Variants in FSTL1 observed in about 807,000 individuals in gnomAD.
The protein encoded by FSTL1 is follistatin like 1.
FSTL1 carries 24 observed loss-of-function variants against 45.9 expected under a neutral mutation model. The observed-to-expected ratio is 0.52, with a 90% CI of 0.38 to 0.74. The LOEUF is 0.74. Among genes scored for constraint, FSTL1 ranks in the 30% least tolerant of loss-of-function variants. The pLI, the probability that FSTL1 is intolerant of heterozygous loss-of-function variation, is 0.00. For missense variants in FSTL1, 340 were observed against 381.8 expected (o/e 0.89, Z 0.91); for synonymous variants, 120 against 137.6 (o/e 0.87, Z 0.89).
At position 120,396,386 on chromosome 3, in the gene FSTL1, G is replaced by A. The variant is rs1936700139; in HGVS notation, c.*566C>T. On this transcript the variant is annotated 3_prime_UTR_variant, in exon 11 of 11. Coordinates refer to ENST00000295633, the MANE Select transcript of FSTL1 (RefSeq NM_007085.5). ...ATACAAGTATCTGCATCATTTGGGT[G>A]TACCCTCCCAGAAACTCCATCCAAG... The A allele has an allele frequency of 6.5e-6, 1 of 153,352 alleles. No individual in the cohort carries two copies. Among genetic ancestry groups the A allele is most frequent in the South Asian group, 2.1e-4 (1 of 4,856 alleles). 9.5% of individuals were successfully genotyped at this position (153,352 alleles called of 1,614,324 possible).
At chr3:120,416,080 GAATGA>G in intron 2 of FSTL1, 53 bp from the exon 3 acceptor site, 1 of 1,228,318 alleles carries the variant, frequency 8.1e-7, no homozygotes, top group Non-Finnish European at 1.2e-6. Flanking sequence ...ACCCATTATG[GAATGA>G]GCCCATAATG....
chr3:120,429,616 A>C (rs1937443069), intron 2 of FSTL1, among the ~76,000 whole-genome samples: 1 of 152,174 alleles, frequency 6.6e-6, no homozygotes. Flanking sequence ...TGAATTTTTC[A>C]ATACTCAAAA....
At chr3:120,405,055 G>C in intron 6 of FSTL1, 84 bp from the exon 7 acceptor site, 1 of 778,236 alleles carries the variant, frequency 1.3e-6, no homozygotes, top group Non-Finnish European at 2.3e-6. Flanking sequence ...ACCTGCCTCT[G>C]ATTCATCTTG....
At chr3:120,432,098 T>C (rs1442165524) in intron 2 of FSTL1, among the ~76,000 whole-genome samples, 4 of 152,202 alleles carry the variant, frequency 2.6e-5, no homozygotes, top group East Asian at 1.9e-4. Flanking sequence ...TAGCTAAATA[T>C]GCTTTTTTGG....
At chr3:120,397,115 T>C in intron 10 of FSTL1, 119 bp from the exon 11 acceptor site, 2 of 842,896 alleles carry the variant, frequency 2.4e-6, no homozygotes, top group South Asian at 2.8e-5. Flanking sequence ...TTTAGTTGTT[T>C]ACTTGTCGGG....
chr3:120,426,105 T>C (rs1054213933), intron 2 of FSTL1, among the ~76,000 whole-genome samples: 1 of 152,122 alleles, frequency 6.6e-6, no homozygotes, highest in Middle Eastern at 3.2e-3. Flanking sequence ...TACTCAGCAT[T>C]CATGCTCTAA....
intron 4 of FSTL1, 30 bp from the exon 5 acceptor site, chr3:120,411,014 G>A (rs1559736357): frequency 6.4e-7 from 1 of 1,572,876 alleles, no homozygotes; most frequent in Non-Finnish European, 8.6e-7. Flanking sequence ...AACGTGTAAT[G>A]CGAAGTGAAG....
At chr3:120,397,128 C>T in intron 10 of FSTL1, 132 bp from the exon 11 acceptor site, 1 of 760,782 alleles carries the variant, frequency 1.3e-6, no homozygotes, top group Admixed American at 1.9e-5. Context: ...TTGTCGGGCT[C>T]CTCCACGGAC....
At chr3:120,426,285 CA>C (rs1477747960) in intron 2 of FSTL1, among the ~76,000 whole-genome samples, 1 of 152,174 alleles carries the variant, frequency 6.6e-6, no homozygotes, top group Non-Finnish European at 1.5e-5. Context: ...CAGTGCCTGC[CA>C]CATCTGGGCC....
intron 2 of FSTL1, among the ~76,000 whole-genome samples, chr3:120,417,540 G>C (rs1042549046): frequency 6.6e-6 from 1 of 152,196 alleles, no homozygotes; most frequent in African/African-American, 2.4e-5. Context: ...TAGCAGGCGG[G>C]GAAGAAAGAG....
intron 2 of FSTL1, chr3:120,423,478 G>A (rs1214811358): frequency 6.6e-6 from 1 of 152,184 alleles, no homozygotes; most frequent in South Asian, 2.1e-4. Context: ...ATATAGGGCT[G>A]AAAATCATCT....
At chr3:120,409,045 C>T (rs1460154763) in intron 6 of FSTL1, among the ~76,000 whole-genome samples, 1 of 152,206 alleles carries the variant, frequency 6.6e-6, no homozygotes, top group Non-Finnish European at 1.5e-5. Context: ...AGTTCAGGAA[C>T]AATCTCTGGA....
chr3:120,405,062 C>T, intron 6 of FSTL1, 91 bp from the exon 7 acceptor site: 2 of 765,090 alleles, frequency 2.6e-6, no homozygotes, highest in South Asian at 2.9e-5. Context: ...TCTGATTCAT[C>T]TTGTTCTTGA....
intron 9 of FSTL1, among the ~76,000 whole-genome samples, chr3:120,402,095 C>T (rs1251709371): frequency 1.3e-5 from 2 of 152,180 alleles, no homozygotes; most frequent in African/African-American, 4.8e-5. Context: ...TTCCAACATA[C>T]CCTGTAGCCT....
intron 2 of FSTL1, chr3:120,438,411 A>G (rs901061325): frequency 2.6e-5 from 4 of 152,218 alleles, no homozygotes; most frequent in Admixed American, 1.3e-4. Context: ...ATTCCTGGGC[A>G]TGAAGACTGT....
intron 2 of FSTL1, among the ~76,000 whole-genome samples, chr3:120,436,305 T>C (rs1049568168): frequency 2.0e-5 from 3 of 152,210 alleles, no homozygotes; most frequent in Non-Finnish European, 4.4e-5. Context: ...GAAATTATTA[T>C]ACCCAACATT....
chr3:120,400,597 T>C (rs556642841), intron 9 of FSTL1, among the ~76,000 whole-genome samples: 1 of 152,232 alleles, frequency 6.6e-6, no homozygotes, highest in African/African-American at 2.4e-5. Flanking sequence ...TCAAGTAGAA[T>C]GCTGACCATT....
At chr3:120,414,223 C>A (rs1251198698) in intron 3 of FSTL1, among the ~76,000 whole-genome samples, 7 of 152,100 alleles carry the variant, frequency 4.6e-5, no homozygotes, top group African/African-American at 1.7e-4. Flanking sequence ...AAGTGAGGAG[C>A]GTCTCTGCCT....
At position 120,411,674 on chromosome 3, in the gene FSTL1, G is replaced by A. The variant is rs200806762; in HGVS notation, c.298+180C>T. ...CTGGGCAGAGGCCTGGGCCATCCAG[G>A]GCAAACCCAGCAGGCTCATAAGTGA... is the stretch of plus-strand genomic sequence containing the variant. On this transcript the variant is annotated intron_variant, in intron 4 of 10. Transcript: ENST00000295633. Among the ~76,000 whole-genome samples, 9 of 152,346 alleles carry A rather than the reference G, an allele frequency of 5.9e-5. No homozygotes were observed. In the East Asian group the frequency reaches 1.7e-3, roughly 29 times the overall value.
Sources: allele counts gnomAD v4.1 joint callset (sites outside exome capture counted in the v4.1 genomes callset), GRCh38; gene constraint gnomAD v4.1.1; transcripts MANE v1.5; gene names NCBI Gene and HGNC (gene_info 2026-07-23, HGNC 2026-07-21).